The following EIF2AK2 variants were observed in gnomAD, a reference collection of about 807,000 sequenced individuals.
The protein encoded by EIF2AK2 is eukaryotic translation initiation factor 2 alpha kinase 2.
EIF2AK2 carries 40 observed loss-of-function variants against 70.5 expected under a neutral mutation model. The ratio of observed to expected loss-of-function variants is 0.57; its 90% confidence interval spans 0.44 to 0.74. The LOEUF (loss-of-function observed/expected upper bound fraction) is 0.74, where lower values mean the gene tolerates loss of function less well. EIF2AK2 is among the 30% of genes least tolerant of loss of function. The pLI, the probability that EIF2AK2 is intolerant of heterozygous loss-of-function variation, is 0.00. For synonymous variants in EIF2AK2, 198 were observed against 220.9 expected, an observed-to-expected ratio of 0.90 and a Z score of 0.92; for missense variants, 555 against 644.3, an observed-to-expected ratio of 0.86 and a Z score of 1.50.
chr2:37,147,659 C>T (rs376529997), intron 3 of EIF2AK2, 29 bp downstream of exon 3: 8 of 1,415,482 alleles, frequency 5.7e-6, no homozygotes, highest in Non-Finnish European at 8.0e-6. Flanking sequence ...TTTTTTATGG[C>T]TGCCATATCA....
intron 4 of EIF2AK2, among the ~76,000 whole-genome samples, chr2:37,143,764 G>A (rs1283347171): frequency 2.0e-5 from 3 of 151,962 alleles, no homozygotes; most frequent in African/African-American, 4.8e-5. Flanking sequence ...CGTGCCTGTA[G>A]TCCCAGCCAG....
rs573168496 is a variant in EIF2AK2, at chr2:37,132,220, C to T, written c.785+3264G>A. Among the ~76,000 whole-genome samples, 8 of 152,286 alleles carry T rather than the reference C, an allele frequency of 5.3e-5. No individual in the cohort carries two copies. The South Asian group carries it at 1.2e-3, about 24-fold the overall frequency. ...CCCCTTTTATCCCAAACACCAAATA[C>T]AACAACTACTCACAGCGGGGGCACA... On this transcript the variant is annotated intron_variant, in intron 10 of 16. Coordinates refer to ENST00000233057, the MANE Select transcript of EIF2AK2 (RefSeq NM_001135651.3).
Position 37,114,725 on chromosome 2 carries a change from C to A in EIF2AK2, c.1377+6G>T, listed in dbSNP as rs768405648. The A allele has an allele frequency of 6.5e-7, 1 of 1,546,356 alleles. No homozygotes were observed. The highest frequency in any genetic ancestry group is 8.7e-7 in the Non-Finnish European group (1 of 1,152,844). On this transcript the variant is annotated splice_donor_region_variant and intron_variant, in intron 14 of 16. Transcript: ENST00000233057. ...AAAATATAGACAGACAGGAAAGAGA[C>A]CTTACCTGTTCTGGGCTCATGTATC...
chr2:37,127,933 G>T (rs1201891542), intron 10 of EIF2AK2, among the ~76,000 whole-genome samples: 17 of 152,012 alleles, frequency 1.1e-4, no homozygotes, highest in Admixed American at 9.2e-4. Flanking sequence ...GTACAGATGG[G>T]GTTTCACCAT....
chr2:37,108,146 CAA>C (rs569711940), intron 15 of EIF2AK2, among the ~76,000 whole-genome samples: 39 of 117,006 alleles, frequency 3.3e-4, no homozygotes, highest in African/African-American at 2.8e-4. Context: ...AACTCTATCT[CAA>C]AAAAAAAAAA....
At chr2:37,156,032 G>A (rs1337065048) in intron 1 of EIF2AK2, among the ~76,000 whole-genome samples, 1 of 152,126 alleles carries the variant, frequency 6.6e-6, no homozygotes, top group African/African-American at 2.4e-5. Flanking sequence ...GGAACAGCAA[G>A]GGCAGAGCGG....
chr2:37,139,063 A>G (rs1215709073), intron 6 of EIF2AK2, among the ~76,000 whole-genome samples: 1 of 151,660 alleles, frequency 6.6e-6, no homozygotes, highest in Non-Finnish European at 1.5e-5. Context: ...AAGCCTGTAA[A>G]CCCCAGCACT....
chr2:37,149,624 A>G (rs4648150), intron 1 of EIF2AK2, among the ~76,000 whole-genome samples: 4,856 of 152,244 alleles, frequency 0.032, 117 homozygotes, highest in South Asian at 0.064. Flanking sequence ...ACCAGGAAGG[A>G]AAGGAAACTG....
intron 15 of EIF2AK2, 83 bp downstream of exon 15, chr2:37,109,111 G>T: frequency 8.1e-7 from 1 of 1,227,414 alleles, no homozygotes; most frequent in Non-Finnish European, 1.2e-6. Context: ...CCTCACGTGA[G>T]GGCAAGAACT....
chr2:37,155,084 C>G (rs1203641684), intron 1 of EIF2AK2, among the ~76,000 whole-genome samples: 1 of 152,082 alleles, frequency 6.6e-6, no homozygotes. Flanking sequence ...TTAAATTCCA[C>G]GGACACAATG....
intron 14 of EIF2AK2, among the ~76,000 whole-genome samples, chr2:37,112,748 T>C (rs1467557956): frequency 6.6e-6 from 1 of 152,258 alleles, no homozygotes; most frequent in Non-Finnish European, 1.5e-5. Context: ...TAATATTTTA[T>C]TGTGGTAAAA....
At chr2:37,127,581 T>C (rs1674786680) in intron 10 of EIF2AK2, among the ~76,000 whole-genome samples, 3 of 152,056 alleles carry the variant, frequency 2.0e-5, no homozygotes, top group Admixed American at 2.0e-4. Flanking sequence ...TACCTTCTCA[T>C]ACGCCCTTCC....
intron 12 of EIF2AK2, among the ~76,000 whole-genome samples, chr2:37,120,857 G>C (rs1276047619): frequency 6.7e-6 from 1 of 149,172 alleles, no homozygotes; most frequent in Non-Finnish European, 1.5e-5. Context: ...TCAGCTACTC[G>C]GGAGGATGAG....
At position 37,107,289 on chromosome 2, in the gene EIF2AK2, T is replaced by C. The variant is rs199834186; in HGVS notation, c.1640A>G (p.Glu547Gly). 1.9e-6 allele frequency: 3 copies of C among 1,613,354 alleles called. No homozygotes were observed. In the African/African-American group the frequency reaches 4.0e-5, roughly 21 times the overall value. The change falls in exon 17 of 17, where the codon GAA becomes GGA. Residue 547 changes from glutamate to glycine, a missense_variant. By Grantham distance (98) the Glu-to-Gly change is moderately conservative. Coordinates refer to ENST00000233057, the MANE Select transcript of EIF2AK2 (RefSeq NM_001135651.3). ...TVWKKSPEKN[E>G]RHTC ...AGAAGGGCTCTAACATGTGTGTCGT[T>C]CATTTTTCTCTGGGCTTTTCTTCCA...
chr2:37,114,746 G>A lies in EIF2AK2; in HGVS notation c.1362C>T (p.Tyr454=), dbSNP rs761453517. The change falls in exon 14 of 17, where the codon TAC becomes TAT. Residue 454 remains tyrosine, a synonymous_variant. Coordinates refer to ENST00000233057, the MANE Select transcript of EIF2AK2 (RefSeq NM_001135651.3). ...KRTRSKGTLR[Y]MSPEQISSQD... ...GAGACCTTACCTGTTCTGGGCTCAT[G>A]TATCGCAAAGTTCCCTTACTCCTTG... 6 of 1,591,136 alleles carry A rather than the reference G, an allele frequency of 3.8e-6. No individual in the cohort carries two copies. The highest frequency in any genetic ancestry group is 2.3e-5 in the East Asian group (1 of 44,024).
At position 37,116,151 on chromosome 2, in the gene EIF2AK2, A is replaced by T. The variant is rs577044713; in HGVS notation, c.1249-1292T>A. On this transcript the variant is annotated intron_variant, in intron 13 of 16. Transcript: ENST00000233057. The stretch of plus-strand genomic sequence containing the variant: ...TGACCTCAAGCAATCTGCTCACCTC[A>T]GCCTCCCAAAGTGCTGAGGTTACAG... 4.6e-5 allele frequency among the ~76,000 whole-genome samples: 7 copies of T among 152,230 alleles called. No individual in the cohort carries two copies. The South Asian group carries it at 1.5e-3, about 32-fold the overall frequency.
rs879045117 is a variant in EIF2AK2, at chr2:37,136,799, G to A, written c.722+184C>T. On this transcript the variant is annotated intron_variant, in intron 9 of 16. Coordinates refer to ENST00000233057, the MANE Select transcript of EIF2AK2 (RefSeq NM_001135651.3). ...CAAAGTGCTTTATGTTTACAGTGTA[G>A]CATGTGCACATAGTCAAAGATTTCT... 8.4e-5 allele frequency: 42 copies of A among 498,280 alleles called. 1 individual carries two copies. The South Asian group carries it at 1.0e-3, about 12-fold the overall frequency. The allele number at this position is 498,280 out of a possible 1,614,324, so 30.9% of individuals were successfully genotyped here.
At chr2:37,137,470 TTTTG>T (rs1417134420) in intron 8 of EIF2AK2, among the ~76,000 whole-genome samples, 5 of 152,312 alleles carry the variant, frequency 3.3e-5, no homozygotes, top group African/African-American at 7.2e-5. Context: ...ATTGTCTGGT[TTTTG>T]TTTGTTTGTT....
chr2:37,130,602 C>T (rs1674905945), intron 10 of EIF2AK2, among the ~76,000 whole-genome samples: 1 of 152,206 alleles, frequency 6.6e-6, no homozygotes, highest in Non-Finnish European at 1.5e-5. Flanking sequence ...CTGCATTAGA[C>T]CTCAAAGATG....
Sources: gnomAD v4.1 joint callset for allele counts (sites outside exome capture counted in the v4.1 genomes callset) on GRCh38, gnomAD v4.1.1 for gene constraint, MANE v1.5 for transcripts, NCBI Gene and HGNC (gene_info 2026-07-23, HGNC 2026-07-21) for gene names.